Variants in CLVS1 observed in about 807,000 individuals in gnomAD.
CLVS1 encodes the protein clavesin-1.
CLVS1 carries 10 observed loss-of-function variants against 33.1 expected under a neutral mutation model. That is an observed-to-expected ratio of 0.30 (90% CI 0.19 to 0.51). CLVS1 has a LOEUF of 0.51. CLVS1 is among the 20% of genes least tolerant of loss of function. The probability of loss-of-function intolerance (pLI) is 0.97; values close to 1 mark genes in which losing one functional copy is unlikely to be tolerated. For missense variants in CLVS1, 343 were observed against 433.4 expected, an observed-to-expected ratio of 0.79 and a Z score of 1.85; for synonymous variants, 163 against 166.1, an observed-to-expected ratio of 0.98 and a Z score of 0.14.
At chr8:61,461,690 A>T (rs1189875246) in intron 5 of CLVS1, among the ~76,000 whole-genome samples, 1 of 152,132 alleles carries the variant, frequency 6.6e-6, no homozygotes, top group East Asian at 1.9e-4. Flanking sequence ...AGATTCAATA[A>T]ATGTCTTTGG....
chr8:61,252,610 G>A (rs566120071), intron 2 of CLVS1, among the ~76,000 whole-genome samples: 1 of 152,270 alleles, frequency 6.6e-6, no homozygotes, highest in East Asian at 1.9e-4. Context: ...CCTGTATTGG[G>A]TGCATATATA....
chr8:61,108,558 T>C (rs548154480), intron 1 of CLVS1, among the ~76,000 whole-genome samples: 2 of 152,192 alleles, frequency 1.3e-5, no homozygotes, highest in Non-Finnish European at 2.9e-5. Flanking sequence ...GAAAGAGACA[T>C]ATATTATTAT....
upstream of CLVS1, among the ~76,000 whole-genome samples, chr8:61,052,507 C>T (rs902817632): frequency 2.6e-4 from 8 of 31,094 alleles, no homozygotes; most frequent in South Asian, 2.4e-3. Flanking sequence ...GGAGTCATGC[C>T]GAGATCTGGG....
intron 1 of CLVS1, among the ~76,000 whole-genome samples, chr8:61,289,214 A>G (rs772899238): frequency 1.3e-5 from 2 of 152,240 alleles, no homozygotes; most frequent in Non-Finnish European, 2.9e-5. Context: ...CCATTTTCCT[A>G]TAATAGTAAA....
chr8:61,409,662 G>A (rs985936817), intron 3 of CLVS1, among the ~76,000 whole-genome samples: 1 of 152,174 alleles, frequency 6.6e-6, no homozygotes, highest in African/African-American at 2.4e-5. Context: ...CAAGTTCTCA[G>A]AAGAGGGATT....
intron 2 of CLVS1, among the ~76,000 whole-genome samples, chr8:61,192,194 A>T (rs1321233047): frequency 1.3e-5 from 2 of 152,204 alleles, no homozygotes; most frequent in Non-Finnish European, 2.9e-5. Flanking sequence ...GACCAATGGA[A>T]CAGAACAGAG....
At chr8:61,351,609 C>A (rs1468923948) in intron 2 of CLVS1, among the ~76,000 whole-genome samples, 1 of 151,732 alleles carries the variant, frequency 6.6e-6, no homozygotes, top group African/African-American at 2.4e-5. Context: ...AAATCCCAAA[C>A]AGGATAAAAC....
intron 2 of CLVS1, among the ~76,000 whole-genome samples, chr8:61,305,708 C>A (rs946376442): frequency 2.0e-5 from 3 of 152,132 alleles, no homozygotes; most frequent in African/African-American, 7.2e-5. Context: ...TCCCTCCTCC[C>A]ACTCTCTACC....
intron 1 of CLVS1, among the ~76,000 whole-genome samples, chr8:61,073,838 C>T (rs1386065708): frequency 6.7e-6 from 1 of 149,974 alleles, no homozygotes; most frequent in Non-Finnish European, 1.5e-5. Flanking sequence ...CGGTGAAACC[C>T]CGTCTCTACT....
intron 3 of CLVS1, among the ~76,000 whole-genome samples, chr8:61,442,690 C>T (rs1816602765): frequency 6.6e-6 from 1 of 152,132 alleles, no homozygotes; most frequent in South Asian, 2.1e-4. Flanking sequence ...ACCTCCACCT[C>T]CCGGATTCAA....
At chr8:61,316,801 G>A (rs897445884) in intron 2 of CLVS1, among the ~76,000 whole-genome samples, 1 of 152,184 alleles carries the variant, frequency 6.6e-6, no homozygotes, top group Non-Finnish European at 1.5e-5. Flanking sequence ...TTATCTGGGT[G>A]TGAGTCAGGG....
At chr8:61,452,370 C>G (rs73257396) in intron 3 of CLVS1, among the ~76,000 whole-genome samples, 2,649 of 152,234 alleles carry the variant, frequency 0.017, 86 homozygotes, top group African/African-American at 0.06. Flanking sequence ...GATAGTGAAG[C>G]CCTGGTTTTA....
At chr8:61,270,388 T>C (rs1338653768) in intron 2 of CLVS1, among the ~76,000 whole-genome samples, 1 of 152,214 alleles carries the variant, frequency 6.6e-6, no homozygotes, top group Non-Finnish European at 1.5e-5. Context: ...TGGATAAGCT[T>C]TTTGATGTGC....
intron 2 of CLVS1, among the ~76,000 whole-genome samples, chr8:61,336,102 G>A (rs1025042464): frequency 1.6e-4 from 24 of 152,060 alleles, no homozygotes; most frequent in Non-Finnish European, 3.1e-4. Context: ...CCCACTCTAC[G>A]CTGCTAACCT....
At chr8:61,406,101 C>A (rs982061044) in intron 3 of CLVS1, among the ~76,000 whole-genome samples, 3 of 152,174 alleles carry the variant, frequency 2.0e-5, no homozygotes, top group African/African-American at 4.8e-5. Flanking sequence ...TCCATTTTAT[C>A]AGCCAAACAC....
chr8:61,105,503 G>T (rs1453429192), intron 1 of CLVS1, among the ~76,000 whole-genome samples: 1 of 152,150 alleles, frequency 6.6e-6, no homozygotes, highest in Non-Finnish European at 1.5e-5. Context: ...ATGATTCTCA[G>T]CTCTTAGGTC....
intron 2 of CLVS1, among the ~76,000 whole-genome samples, chr8:61,353,402 A>G (rs1812554895): frequency 6.6e-6 from 1 of 152,052 alleles, no homozygotes; most frequent in Non-Finnish European, 1.5e-5. Context: ...AAAACACAAA[A>G]ATCTCAGAAG....
At chr8:61,279,798 A>G (rs1022750614) in intron 2 of CLVS1, among the ~76,000 whole-genome samples, 3 of 152,218 alleles carry the variant, frequency 2.0e-5, no homozygotes, top group African/African-American at 7.2e-5. Flanking sequence ...CCTAGTAAAT[A>G]TTTTATCCAG....
At chr8:61,260,099 C>T (rs906683449) in intron 2 of CLVS1, among the ~76,000 whole-genome samples, 1 of 152,190 alleles carries the variant, frequency 6.6e-6, no homozygotes, top group Non-Finnish European at 1.5e-5. Context: ...CATCTCCCTC[C>T]GTCATGTAAC....
Sources: gnomAD v4.1 joint callset for allele counts (sites outside exome capture counted in the v4.1 genomes callset) on GRCh38, gnomAD v4.1.1 for gene constraint, MANE v1.5 for transcripts, NCBI Gene and HGNC (gene_info 2026-07-23, HGNC 2026-07-21) for gene names.